The following RASSF2 variants were observed in gnomAD, a reference collection of about 807,000 sequenced individuals.
RASSF2 encodes the protein ras association domain-containing protein 2.
Under a neutral mutation model 46.3 loss-of-function variants are expected in RASSF2, and 34 were observed. The observed-to-expected ratio is 0.73, with a 90% CI of 0.56 to 0.98. The LOEUF (loss-of-function observed/expected upper bound fraction) is 0.98. RASSF2 is among the 50% of genes least tolerant of loss of function. The pLI is 0.00. For missense variants in RASSF2, 364 were observed against 431.2 expected (o/e 0.84, Z 1.38); for synonymous variants, 158 against 162.5 (o/e 0.97, Z 0.21).
At position 4,784,250 on chromosome 20, in the gene RASSF2, C is replaced by A. The variant is rs771571161; in HGVS notation, c.*23G>T. 1.9e-6 allele frequency: 3 copies of A among 1,607,058 alleles called. No homozygotes were observed. The highest frequency in any genetic ancestry group is 2.7e-5 in the African/African-American group (2 of 74,838). ...TGGGCAATGGCGGTTCCTGGGGTGCCCAGATCCCCTCGTTCTCATGGCTCA... is the reference window on the plus strand; with the variant it reads ...TGGGCAATGGCGGTTCCTGGGGTGCACAGATCCCCTCGTTCTCATGGCTCA... On this transcript the variant is annotated 3_prime_UTR_variant, in exon 12 of 12. Coordinates refer to ENST00000379400, the MANE Select transcript of RASSF2 (RefSeq NM_014737.3).
chr20:4,799,423 C>A (rs935694299), intron 3 of RASSF2, among the ~76,000 whole-genome samples: 1 of 152,198 alleles, frequency 6.6e-6, no homozygotes, highest in Admixed American at 6.5e-5. Flanking sequence ...GGCCACTGTG[C>A]GCTTTTGTCT....
At chr20:4,815,853 G>A (rs1928263471) in intron 2 of RASSF2, among the ~76,000 whole-genome samples, 1 of 152,232 alleles carries the variant, frequency 6.6e-6, no homozygotes, top group Non-Finnish European at 1.5e-5. Context: ...GTGAGGCTGA[G>A]ATGGAGGCAG....
rs546867816 is a variant in RASSF2 at position 4,790,774 on chromosome 20, A to G, written c.377-163T>C. Among the ~76,000 whole-genome samples, 3 of 152,360 alleles carry G rather than the reference A, an allele frequency of 2.0e-5. No individual in the cohort carries two copies. The highest frequency in any genetic ancestry group is 2.9e-5 in the Non-Finnish European group (2 of 68,036). ...GAAAAACATAATGCAGAATTTACAG[A>G]GAACCTATACAAGGAAAAGTTCAGA... On this transcript the variant is annotated intron_variant, in intron 6 of 11. Transcript: ENST00000379400. This position sits in a 1 kb window ranked among gnomAD's most constrained non-coding sequence, Gnocchi z 4.3.
At position 4,818,403 on chromosome 20, in the gene RASSF2, C is replaced by T. The variant is rs563379277; in HGVS notation, c.-33+3926G>A. 4.6e-5 allele frequency among the ~76,000 whole-genome samples: 7 copies of T among 152,280 alleles called. No individual in the cohort carries two copies. The East Asian group carries it at 1.3e-3, about 29-fold the overall frequency. ...GGATGCCTAATACAAATCTTATCCT[C>T]CCCTCCGCATGTACAGAATTGGAAA... On this transcript the variant is annotated intron_variant, in intron 2 of 11. Coordinates refer to ENST00000379400, the MANE Select transcript of RASSF2 (RefSeq NM_014737.3).
intron 2 of RASSF2, among the ~76,000 whole-genome samples, chr20:4,816,358 A>T (rs1384899617): frequency 3.9e-5 from 6 of 152,202 alleles, no homozygotes; most frequent in Non-Finnish European, 7.3e-5. Context: ...AGTATCCACA[A>T]AAGGACAAAT....
At chr20:4,793,406 T>C (rs544009172) in intron 5 of RASSF2, among the ~76,000 whole-genome samples, 61 of 152,200 alleles carry the variant, frequency 4.0e-4, no homozygotes, top group Non-Finnish European at 7.6e-4. Context: ...TGGGACCCAG[T>C]AGAGATAAAC....
chr20:4,816,544 GGTTGTACAAC>G (rs1928318642), intron 2 of RASSF2, among the ~76,000 whole-genome samples: 6 of 152,098 alleles, frequency 3.9e-5, no homozygotes, highest in Admixed American at 3.9e-4. Context: ...AATGGTGATG[GGTTGTACAAC>G]GTTGTGAATG....
intron 3 of RASSF2, 35 bp downstream of exon 3, chr20:4,800,937 C>A: frequency 1.3e-6 from 2 of 1,558,146 alleles, no homozygotes; most frequent in South Asian, 2.2e-5. Flanking sequence ...CGGGACTGGT[C>A]ACTGAGGACA....
chr20:4,791,823 A>G (rs1925903143), intron 6 of RASSF2, among the ~76,000 whole-genome samples: 1 of 152,206 alleles, frequency 6.6e-6, no homozygotes, highest in Non-Finnish European at 1.5e-5. Flanking sequence ...TTTTCCATAC[A>G]GTGAAAGAAT....
At chr20:4,799,676 A>G (rs971130346) in intron 3 of RASSF2, among the ~76,000 whole-genome samples, 1 of 152,260 alleles carries the variant, frequency 6.6e-6, no homozygotes, top group Non-Finnish European at 1.5e-5. Context: ...AAACCGGGAG[A>G]GAAAATCATT....
At chr20:4,794,080 TAATACAGTATAGTATAACA>T (rs921548075) in intron 5 of RASSF2, among the ~76,000 whole-genome samples, 7 of 152,108 alleles carry the variant, frequency 4.6e-5, no homozygotes, top group Non-Finnish European at 1.0e-4. Context: ...AATACAGCAA[TAATACAGTATAGTATAACA>T]AATACAGTAT....
intron 2 of RASSF2, among the ~76,000 whole-genome samples, chr20:4,802,691 G>A (rs1469331504): frequency 6.6e-6 from 1 of 151,998 alleles, no homozygotes; most frequent in Non-Finnish European, 1.5e-5. Context: ...CTGGGAAGAA[G>A]GGGAAATGGA....
Position 4,781,182 on chromosome 20 carries a change from A to G in RASSF2, c.*3091T>C, listed in dbSNP as rs1924784566. On this transcript the variant is annotated 3_prime_UTR_variant, in exon 12 of 12. Coordinates refer to ENST00000379400, the MANE Select transcript of RASSF2 (RefSeq NM_014737.3). ...CCTGACACTTTGAAGTAACCACTCA[A>G]CTCCACAGACTTCTTGTTGAGACTT... 1 of 151,850 alleles carries G rather than the reference A, an allele frequency of 6.6e-6. No homozygotes were observed. Among genetic ancestry groups the G allele is most frequent in the African/African-American group, 2.4e-5 (1 of 41,292 alleles). 9.4% of individuals were successfully genotyped at this position (151,850 alleles called of 1,614,324 possible).
chr20:4,798,449 C>T (rs1033589650), intron 3 of RASSF2, among the ~76,000 whole-genome samples: 7 of 152,176 alleles, frequency 4.6e-5, no homozygotes, highest in Non-Finnish European at 1.0e-4. Context: ...CCACACACAG[C>T]GATTCTCCTG....
In RASSF2 at chr20:4,797,966, A is replaced by T; in HGVS notation, c.135+44T>A. The T allele has an allele frequency of 2.5e-6, 4 of 1,610,342 alleles. No individual in the cohort carries two copies. In the South Asian group the frequency reaches 4.4e-5, roughly 18 times the overall value. On this transcript the variant is annotated intron_variant, in intron 4 of 11. Transcript: ENST00000379400. ...TTCAGACCCAGGACACATGGTGACA[A>T]GCCCTGGACTAGCCAATCAGGGCCG...
At chr20:4,791,700 A>G (rs1367901791) in intron 6 of RASSF2, among the ~76,000 whole-genome samples, 3 of 152,214 alleles carry the variant, frequency 2.0e-5, no homozygotes, top group Non-Finnish European at 2.9e-5. Context: ...CACGCTGACA[A>G]ATGTGTGACG....
At chr20:4,786,684 GA>G (rs1172102731) in intron 10 of RASSF2, among the ~76,000 whole-genome samples, 6 of 152,170 alleles carry the variant, frequency 3.9e-5, no homozygotes, top group African/African-American at 1.4e-4. Flanking sequence ...TAAGAGAATG[GA>G]AGGAATCAGG....
At chr20:4,803,839 G>A (rs1484460914) in intron 2 of RASSF2, among the ~76,000 whole-genome samples, 9 of 148,646 alleles carry the variant, frequency 6.1e-5, no homozygotes, top group African/African-American at 2.0e-4. Context: ...AGGGAGGATC[G>A]CTTGAGCCCA....
chr20:4,793,430 G>A (rs1926075299), intron 5 of RASSF2, among the ~76,000 whole-genome samples: 1 of 152,176 alleles, frequency 6.6e-6, no homozygotes, highest in Admixed American at 6.5e-5. Context: ...ATGTTCTGGG[G>A]AGGATCGTTT....
Sources: allele counts gnomAD v4.1 joint callset (sites outside exome capture counted in the v4.1 genomes callset), GRCh38; gene constraint gnomAD v4.1.1; non-coding constraint Gnocchi (gnomAD v3.1); transcripts MANE v1.5; gene names NCBI Gene and HGNC (gene_info 2026-07-23, HGNC 2026-07-21).